SEC24C: variants seen among roughly 807,000 people sequenced by gnomAD.
SEC24C encodes the protein SEC24 homolog C, COPII component.
Under a neutral mutation model 117.0 loss-of-function variants are expected in SEC24C, and 22 were observed. The observed-to-expected ratio is 0.19, with a 90% confidence interval of 0.13 to 0.27. The LOEUF (loss-of-function observed/expected upper bound fraction) is 0.27, where lower values mean the gene tolerates loss of function less well. SEC24C is among the 10% of genes least tolerant of loss of function. SEC24C has a pLI of 1.00. For synonymous variants in SEC24C, 506 were observed against 529.4 expected (o/e 0.96, Z 0.61); for missense variants, 1,155 against 1,375.1 (o/e 0.84, Z 2.53).
intron 2 of SEC24C, among the ~76,000 whole-genome samples, chr10:73,748,427 C>T (rs1019826389): frequency 2.6e-5 from 4 of 151,114 alleles, no homozygotes; most frequent in Non-Finnish European, 4.4e-5. Context: ...GAGCCACCAC[C>T]TCTGGCCTTA....
intron 7 of SEC24C, 96 bp from the exon 8 acceptor site, chr10:73,763,760 C>G (rs2082836338): frequency 7.6e-7 from 1 of 1,323,118 alleles, no homozygotes; most frequent in Non-Finnish European, 1.0e-6. Flanking sequence ...ACCATCACCT[C>G]TAGCTTTGTG....
intron 6 of SEC24C, chr10:73,762,192 G>C (rs976652976): frequency 9.3e-6 from 12 of 1,285,162 alleles, no homozygotes; most frequent in Admixed American, 4.6e-5. Context: ...GGGTGTTTGT[G>C]CATGTCATTC....
At position 73,771,793 on chromosome 10, in the gene SEC24C, G is replaced by GTAGGGAGCC. The variant is rs770224126; in HGVS notation, c.*709_*717dup. The GTAGGGAGCC allele has an allele frequency of 1.3e-5, 2 of 153,608 alleles. No individual in the cohort carries two copies. The highest frequency in any genetic ancestry group is 3.8e-4 in the East Asian group (2 of 5,220). 9.5% of individuals were successfully genotyped at this position (153,608 alleles called of 1,614,324 possible). A position where few individuals can be genotyped will look rare whatever the true frequency, so the allele number is the denominator to read the frequency against. On this transcript the variant is annotated 3_prime_UTR_variant, in exon 23 of 23. Coordinates refer to ENST00000345254, the MANE Select transcript of SEC24C (RefSeq NM_198597.3). ...AGAGGCCCCAACACTGGATGGTTCTGTAGGGAGCCTAGGGAGCCTGGTCAT... is the reference window on the plus strand; with the variant it reads ...AGAGGCCCCAACACTGGATGGTTCTGTAGGGAGCCTAGGGAGCCTAGGGAGCCTGGTCAT...
Position 73,760,241 on chromosome 10 carries a change from T to C in SEC24C, c.705T>C (p.Ser235=). ...SMTGPLLPGQ[S]FGGPSVSQPN... ...CTGGTCCACTCCTGCCTGGACAGAG[T>C]TTTGGAGGGCCCTCAGTGAGCCAGC... Residue 235 remains serine (S), a synonymous_variant, in exon 5 of 23, where the codon AGT becomes AGC. Coordinates refer to ENST00000345254, the MANE Select transcript of SEC24C (RefSeq NM_198597.3). The C allele has an allele frequency of 6.2e-7, 1 of 1,613,956 alleles. No homozygotes were observed. Among genetic ancestry groups the C allele is most frequent in the African/African-American group, 1.3e-5 (1 of 74,990 alleles).
chr10:73,764,538 AAAC>A (rs1277974983), intron 8 of SEC24C, among the ~76,000 whole-genome samples: 1 of 151,792 alleles, frequency 6.6e-6, no homozygotes, highest in African/African-American at 2.4e-5. Flanking sequence ...AAAAAAAAAA[AAAC>A]AAGAGGTAGG....
chr10:73,768,769 T>C (rs760791724), intron 15 of SEC24C, 41 bp from the exon 16 acceptor site: 3 of 1,594,278 alleles, frequency 1.9e-6, no homozygotes, highest in Admixed American at 1.7e-5. Flanking sequence ...CGATGAGCTA[T>C]GTCTAGTCAG....
In SEC24C at chr10:73,763,426, T is replaced by C. The variant is rs564899993; in HGVS notation, c.988-64T>C. On this transcript the variant is annotated intron_variant, in intron 6 of 22. Coordinates refer to ENST00000345254, the MANE Select transcript of SEC24C (RefSeq NM_198597.3). ...TTACAGCTCTAGCCTTTTTCACTCT[T>C]GGCACTCTGGGACCTCACACTTCCT... 7.1e-6 allele frequency: 8 copies of C among 1,133,972 alleles called. No homozygotes were observed. In the South Asian group the frequency reaches 7.6e-5, roughly 11 times the overall value. The allele number at this position is 1,133,972 out of a possible 1,614,324, so 70.2% of individuals were successfully genotyped here.
chr10:73,769,828 C>T lies in SEC24C; in HGVS notation c.2683-8C>T. On this transcript the variant is annotated splice_polypyrimidine_tract_variant and splice_region_variant and intron_variant, in intron 19 of 22. Transcript: ENST00000345254. The surrounding 1 kb of genome is among the most constrained non-coding windows in gnomAD (Gnocchi z 4.5). ...TGATCATTGACTTTATTTTGATAAT[C>T]CCCTCAGTTGATCCTTCCTGAGTGC... 11 of 1,613,514 alleles carry T rather than the reference C, an allele frequency of 6.8e-6. No homozygotes were observed. The highest frequency in any genetic ancestry group is 7.6e-6 in the Non-Finnish European group (9 of 1,179,514).
Position 73,770,788 on chromosome 10 carries a change from G to A in SEC24C, c.3134G>A (p.Arg1045Gln), listed in dbSNP as rs777799286. The A allele has an allele frequency of 2.4e-5, 38 of 1,613,982 alleles. No homozygotes were observed. The highest frequency in any genetic ancestry group is 5.5e-5 in the South Asian group (5 of 91,078). ...LIDSLRAQRS[R>Q]YMKLTVVKQE... ...GATAGCTTACGGGCACAGAGATCCC[G>A]GTACATGAAGGTAACACTGATCTGA... is the stretch of plus-strand genomic sequence containing the variant. The change falls in exon 22 of 23, where the codon CGG becomes CAG. Residue 1045 changes from arginine (R) to glutamine (Q), a missense_variant. This residue lies in a region of SEC24C where 759 missense variants were observed against 992.3 expected (regional missense o/e 0.76). Coordinates refer to ENST00000345254, the MANE Select transcript of SEC24C (RefSeq NM_198597.3).
chr10:73,763,466 C>T (rs536593523), intron 6 of SEC24C, 24 bp from the exon 7 acceptor site: 143 of 1,464,072 alleles, frequency 9.8e-5, no homozygotes, highest in Non-Finnish European at 1.3e-4. Flanking sequence ...CTTCTGTCAC[C>T]TCATTCATTG....
intron 8 of SEC24C, 123 bp from the exon 9 acceptor site, chr10:73,765,328 A>C: frequency 9.7e-7 from 1 of 1,028,242 alleles, no homozygotes; most frequent in Non-Finnish European, 1.5e-6. Flanking sequence ...TGTGCTCCCT[A>C]CTCCCTCTGC....
rs111902899 is a variant in SEC24C, at chr10:73,770,171, A to G, written c.2863-109A>G. On this transcript the variant is annotated intron_variant, in intron 20 of 22. Transcript: ENST00000345254. Reference sequence around the variant, plus strand: ...ACACTGAGAGAGTTACTGAGACCCCAGAAGGGGTGGTGTCTGAGGACTTAG... The same window carrying G: ...ACACTGAGAGAGTTACTGAGACCCCGGAAGGGGTGGTGTCTGAGGACTTAG... 157 of 1,262,502 alleles carry G rather than the reference A, an allele frequency of 1.2e-4. 1 individual carries two copies. The African/African-American group carries it at 1.5e-3, about 12-fold the overall frequency. 78.2% of individuals were successfully genotyped at this position (1,262,502 alleles called of 1,614,324 possible). A position where few individuals can be genotyped will look rare whatever the true frequency, so the allele number is the denominator to read the frequency against.
chr10:73,760,142 C>A lies in SEC24C; in HGVS notation c.606C>A (p.Pro202=), dbSNP rs2082774347. 6.2e-7 allele frequency: 1 copy of A among 1,614,034 alleles called. No individual in the cohort carries two copies. Among genetic ancestry groups the A allele is most frequent in the South Asian group, 1.1e-5 (1 of 91,088 alleles). The change falls in exon 5 of 23, where the codon CCC becomes CCA. Residue 202 remains proline, a synonymous_variant. Coordinates refer to ENST00000345254, the MANE Select transcript of SEC24C (RefSeq NM_198597.3). ...AAGGTCATCCTGGGATCCAGACTCC[C>A]CAGCGATCTGCCCCATCACAGGCCT... The part of the protein sequence containing the change: ...QAQGHPGIQT[P]QRSAPSQASS...
intron 15 of SEC24C, among the ~76,000 whole-genome samples, chr10:73,768,293 C>T (rs1438334421): frequency 1.3e-5 from 2 of 152,130 alleles, no homozygotes; most frequent in African/African-American, 4.8e-5. Flanking sequence ...CTAAGAATCC[C>T]TTGAACCCGG....
rs2082869435 is a variant in SEC24C, at chr10:73,765,532, C to G, written c.1309C>G (p.Gln437Glu). Residue 437 changes from glutamine (Q) to glutamate (E), a missense_variant, in exon 9 of 23, where the codon CAG (glutamine) becomes GAG (glutamate). Gln to Glu is a conservative substitution (Grantham distance 29). This residue lies in a region of SEC24C where 759 missense variants were observed against 992.3 expected (regional missense o/e 0.76). Transcript: ENST00000345254. ...CAAAGCATACATGTGTCCCTTCATG[C>G]AGTTCATTGAAGGAGGGAGGCGTTT... ...RCKAYMCPFM[Q>E]FIEGGRRFQC... 6.2e-7 allele frequency: 1 copy of G among 1,613,928 alleles called. No homozygotes were observed. Among genetic ancestry groups the G allele is most frequent in the Admixed American group, 1.7e-5 (1 of 60,006 alleles).
Position 73,771,168 on chromosome 10 carries a change from C to T in SEC24C, c.*73C>T. ...CCCCAGGATGTCAGAGAAATTGGGA[C>T]AGTAACATATCTTATGTAAGCTGAC... On this transcript the variant is annotated 3_prime_UTR_variant, in exon 23 of 23. Transcript: ENST00000345254. 2 of 1,541,658 alleles carry T rather than the reference C, an allele frequency of 1.3e-6. No individual in the cohort carries two copies. Among genetic ancestry groups the T allele is most frequent in the South Asian group, 1.2e-5 (1 of 83,120 alleles).
chr10:73,748,247 T>C (rs961546297), intron 2 of SEC24C, among the ~76,000 whole-genome samples: 2 of 151,794 alleles, frequency 1.3e-5, no homozygotes, highest in Non-Finnish European at 2.9e-5. Flanking sequence ...GCAATTCTCC[T>C]GCCTCAGCCT....
rs185318093 is a variant in SEC24C, at chr10:73,754,089, G to T, written c.308+2846G>T. ...GACACCCCTGATTTACATTGTATTAGGTATTATAAGTAATCTAGAGATGAT... is the reference window on the plus strand; with the variant it reads ...GACACCCCTGATTTACATTGTATTATGTATTATAAGTAATCTAGAGATGAT... On this transcript the variant is annotated intron_variant, in intron 3 of 22. Coordinates refer to ENST00000345254, the MANE Select transcript of SEC24C (RefSeq NM_198597.3). Among the ~76,000 whole-genome samples the T allele has an allele frequency of 4.6e-5, 7 of 152,184 alleles. No homozygotes were observed. In the East Asian group the frequency reaches 1.4e-3, roughly 29 times the overall value.
At chr10:73,755,008 C>G (rs1028228815) in intron 3 of SEC24C, among the ~76,000 whole-genome samples, 1 of 152,060 alleles carries the variant, frequency 6.6e-6, no homozygotes, top group African/African-American at 2.4e-5. Flanking sequence ...TGGCACATGC[C>G]TGTGGTCCCA....
Sources: allele counts gnomAD v4.1 joint callset (sites outside exome capture counted in the v4.1 genomes callset), GRCh38; gene constraint gnomAD v4.1.1; regional missense constraint gnomAD v4.1.1; non-coding constraint Gnocchi (gnomAD v3.1); transcripts MANE v1.5; gene names NCBI Gene and HGNC (gene_info 2026-07-23, HGNC 2026-07-21).